CDC42SE2: variants seen among roughly 807,000 people sequenced by gnomAD.
The protein encoded by CDC42SE2 is CDC42 small effector 2.
In CDC42SE2, 3 loss-of-function variants were observed where a neutral mutation model predicts 11.5. The observed-to-expected ratio is 0.26, with a 90% CI of 0.12 to 0.67. The LOEUF is 0.67. Among genes scored for constraint, CDC42SE2 ranks in the 30% least tolerant of loss-of-function variants. The pLI is 0.80. For missense variants in CDC42SE2, 82 were observed against 106.8 expected, an observed-to-expected ratio of 0.77 and a Z score of 1.02; for synonymous variants, 33 against 34.8, an observed-to-expected ratio of 0.95 and a Z score of 0.18.
At chr5:131,282,363 A>C (rs1434930963) in intron 1 of CDC42SE2, among the ~76,000 whole-genome samples, 1 of 152,160 alleles carries the variant, frequency 6.6e-6, no homozygotes, top group Non-Finnish European at 1.5e-5. Context: ...AAACAATAGC[A>C]AGTTTCTCTT....
At chr5:131,364,964 G>A (rs1449250977) in intron 3 of CDC42SE2, among the ~76,000 whole-genome samples, 3 of 152,092 alleles carry the variant, frequency 2.0e-5, no homozygotes, top group Admixed American at 6.6e-5. Context: ...AGACAGCTAA[G>A]GATTGCTATA....
chr5:131,372,439 G>A (rs570781373), intron 3 of CDC42SE2, among the ~76,000 whole-genome samples: 22 of 152,020 alleles, frequency 1.4e-4, no homozygotes, highest in South Asian at 1.2e-3. Flanking sequence ...GGCTGGGCGC[G>A]GTGGTGGCTC....
chr5:131,334,046 T>C (rs903721262), intron 2 of CDC42SE2, among the ~76,000 whole-genome samples: 2 of 152,166 alleles, frequency 1.3e-5, no homozygotes, highest in African/African-American at 4.8e-5. Context: ...TGTGCCAGTT[T>C]TCAAAGGGAA....
chr5:131,251,830 T>G lies in CDC42SE2; in HGVS notation n.108-3265T>G, dbSNP rs563496493. Among the ~76,000 whole-genome samples the G allele has an allele frequency of 3.3e-5, 5 of 152,136 alleles. No individual in the cohort carries two copies. The East Asian group carries it at 9.6e-4, about 29-fold the overall frequency. ...GGAATTCGGGACCAGCCTAGACACA[T>G]AGTGAGACCTCGTCTCTACAAAAAA... On this transcript the variant is annotated intron_variant and non_coding_transcript_variant, in intron 1 of 3. Transcript: ENST00000502840.
chr5:131,368,411 T>C (rs1749924990), intron 3 of CDC42SE2, among the ~76,000 whole-genome samples: 1 of 152,296 alleles, frequency 6.6e-6, no homozygotes, highest in East Asian at 1.9e-4. Flanking sequence ...CTTCTAGAGT[T>C]TGCATTAATA....
the CDC42SE2 span, among the ~76,000 whole-genome samples, chr5:131,215,802 A>G: frequency 6.6e-6 from 1 of 152,240 alleles, no homozygotes; most frequent in African/African-American, 2.4e-5. Context: ...TTATCTATAC[A>G]ATCCTCTATT....
intron 2 of CDC42SE2, among the ~76,000 whole-genome samples, chr5:131,330,932 G>A (rs773377647): frequency 1.3e-5 from 2 of 151,934 alleles, no homozygotes; most frequent in African/African-American, 2.4e-5. Context: ...AGGCTGAGGC[G>A]AGAGAATTGT....
intron 1 of CDC42SE2, among the ~76,000 whole-genome samples, chr5:131,278,725 C>CCCTCT (rs1757161542): frequency 1.1e-4 from 1 of 8,744 alleles, no homozygotes; most frequent in African/African-American, 5.2e-4. Flanking sequence ...CCCTCCCCTC[C>CCCTCT]CCCCTCCCCT....
rs551319250 is a variant in CDC42SE2, at chr5:131,388,271, A to G, written c.156+2627A>G. Among the ~76,000 whole-genome samples, 31 of 152,352 alleles carry G rather than the reference A, an allele frequency of 2.0e-4. No individual in the cohort carries two copies. The South Asian group carries it at 6.4e-3, about 32-fold the overall frequency. Reference sequence around the variant, plus strand: ...CGGCCTCCCAAAGTGTTGGGATTACAGCCATGAGCCACCACGCCTGGCTGA... The same window carrying G: ...CGGCCTCCCAAAGTGTTGGGATTACGGCCATGAGCCACCACGCCTGGCTGA... On this transcript the variant is annotated intron_variant, in intron 4 of 4. Transcript: ENST00000505065.
rs148160714 is a variant in CDC42SE2, at chr5:131,393,788, T to G, written c.*2697T>G. On this transcript the variant is annotated 3_prime_UTR_variant, in exon 5 of 5. Transcript: ENST00000505065. ...GGAAGCCGTGATCCTTTTCCCTGACTCATGATTTTAGTCTTTTTCCAAATC... is the reference window on the plus strand; with the variant it reads ...GGAAGCCGTGATCCTTTTCCCTGACGCATGATTTTAGTCTTTTTCCAAATC... The G allele has an allele frequency of 4.6e-5, 7 of 151,840 alleles. No individual in the cohort carries two copies. The East Asian group carries it at 1.3e-3, about 29-fold the overall frequency. 9.4% of individuals were successfully genotyped at this position (151,840 alleles called of 1,614,324 possible).
upstream of CDC42SE2, among the ~76,000 whole-genome samples, chr5:131,260,397 C>T (rs1442404652): frequency 2.0e-5 from 3 of 151,958 alleles, no homozygotes; most frequent in African/African-American, 7.3e-5. Context: ...CTGGGGCGGG[C>T]GGATCACCTG....
intron 1 of CDC42SE2, among the ~76,000 whole-genome samples, chr5:131,267,529 G>T (rs1315440953): frequency 1.3e-5 from 2 of 152,110 alleles, no homozygotes; most frequent in Admixed American, 1.3e-4. Context: ...GTGTCTGTTG[G>T]GGAGAGGGTA....
At chr5:131,294,202 G>A (rs188775824) in intron 1 of CDC42SE2, among the ~76,000 whole-genome samples, 89 of 152,234 alleles carry the variant, frequency 5.8e-4, no homozygotes, top group Non-Finnish European at 9.7e-4. Flanking sequence ...ATTAAATTGG[G>A]AATTCCTGGC....
intron 3 of CDC42SE2, among the ~76,000 whole-genome samples, chr5:131,379,048 A>G (rs1223493505): frequency 6.6e-6 from 1 of 152,150 alleles, no homozygotes; most frequent in Non-Finnish European, 1.5e-5. Context: ...TGTTAGATTT[A>G]ATTCATAGAT....
chr5:131,277,064 G>A (rs1757116643), intron 1 of CDC42SE2, among the ~76,000 whole-genome samples: 1 of 152,082 alleles, frequency 6.6e-6, no homozygotes, highest in African/African-American at 2.4e-5. Context: ...TAAAAAGCCT[G>A]TTTACATACC....
At chr5:131,256,043 G>T (rs541850621) in intron 2 of CDC42SE2, among the ~76,000 whole-genome samples, 1 of 152,124 alleles carries the variant, frequency 6.6e-6, no homozygotes, top group Non-Finnish European at 1.5e-5. Context: ...TTTTTACTAA[G>T]GGACTTTGTC....
intron 1 of CDC42SE2, among the ~76,000 whole-genome samples, chr5:131,277,902 C>G (rs769250526): frequency 7.2e-5 from 11 of 152,234 alleles, no homozygotes; most frequent in Middle Eastern, 3.4e-3. Context: ...TTATTCCTTG[C>G]TGTCTACAAT....
intron 1 of CDC42SE2, among the ~76,000 whole-genome samples, chr5:131,307,615 A>G (rs1037924543): frequency 4.1e-4 from 63 of 152,178 alleles, no homozygotes; most frequent in African/African-American, 1.5e-3. Flanking sequence ...TGGTATTTCT[A>G]GTTCTAGATC....
chr5:131,303,630 C>G (rs1393021921), intron 1 of CDC42SE2, among the ~76,000 whole-genome samples: 2 of 152,176 alleles, frequency 1.3e-5, no homozygotes, highest in Admixed American at 1.3e-4. Flanking sequence ...ACTTTTGAAT[C>G]ATGATCCTAA....
Sources: gnomAD v4.1 joint callset for allele counts (sites outside exome capture counted in the v4.1 genomes callset) on GRCh38, gnomAD v4.1.1 for gene constraint, MANE v1.5 for transcripts, NCBI Gene and HGNC (gene_info 2026-07-23, HGNC 2026-07-21) for gene names.